CRLF1: variants seen among roughly 807,000 people sequenced by gnomAD.
CRLF1 encodes cytokine receptor like factor 1.
CRLF1 carries 36 observed loss-of-function variants against 48.9 expected under a neutral mutation model. The ratio of observed to expected loss-of-function variants is 0.74; its 90% confidence interval spans 0.56 to 0.97. The LOEUF (loss-of-function observed/expected upper bound fraction) is 0.97. CRLF1 is among the 50% of genes least tolerant of loss of function. The probability of loss-of-function intolerance (pLI) is 0.00; values close to 1 mark genes in which losing one functional copy is unlikely to be tolerated. For missense variants in CRLF1, 534 were observed against 575.1 expected, an observed-to-expected ratio of 0.93 and a Z score of 0.73; for synonymous variants, 256 against 253.4, an observed-to-expected ratio of 1.01 and a Z score of -0.10.
intron 1 of CRLF1, among the ~76,000 whole-genome samples, chr19:18,600,205 C>CT (rs895938894): frequency 1.6e-3 from 236 of 147,720 alleles, no homozygotes; most frequent in African/African-American, 4.9e-3. Flanking sequence ...CTATGCTTTG[C>CT]TTTTTTTTTT....
chr19:18,594,199 C>T, intron 7 of CRLF1, 48 bp downstream of exon 7: 1 of 1,610,054 alleles, frequency 6.2e-7, no homozygotes, highest in South Asian at 1.1e-5. Flanking sequence ...TCTGGGCCCC[C>T]CCAGCTCCCT....
rs1004785405 is a variant in CRLF1 at position 18,606,306 on chromosome 19, C to A, written c.115+236G>T. On this transcript the variant is annotated intron_variant, in intron 1 of 8. Coordinates refer to ENST00000392386, the MANE Select transcript of CRLF1 (RefSeq NM_004750.5). The surrounding 1 kb of genome is among the most constrained non-coding windows in gnomAD (Gnocchi z 4.8). ...GCCCCCGGGGGCCTGGCCTGGCGCC[C>A]TCGGCCCAGCTGCCCAGGTAACAGG... Among the ~76,000 whole-genome samples, 13 of 151,752 alleles carry A rather than the reference C, an allele frequency of 8.6e-5. No homozygotes were observed. The highest frequency in any genetic ancestry group is 8.5e-4 in the Admixed American group (13 of 15,256).
At chr19:18,600,292 G>T (rs572182563) in intron 1 of CRLF1, among the ~76,000 whole-genome samples, 2 of 151,818 alleles carry the variant, frequency 1.3e-5, no homozygotes, top group African/African-American at 4.8e-5. Flanking sequence ...TCCGCCTCCC[G>T]GGTCCAAGCA....
chr19:18,598,280 C>T (rs1355692700), intron 4 of CRLF1, 152 bp downstream of exon 4: 3 of 776,014 alleles, frequency 3.9e-6, no homozygotes, highest in Non-Finnish European at 6.1e-6. Flanking sequence ...ACCTACCTTC[C>T]CTCTGACCAG....
chr19:18,603,581 G>A (rs564328571), intron 1 of CRLF1, among the ~76,000 whole-genome samples: 1 of 152,332 alleles, frequency 6.6e-6, no homozygotes, highest in East Asian at 1.9e-4. Flanking sequence ...ACTGCAGGAG[G>A]CAGGGGCAGC....
At chr19:18,594,032 T>TTGCCCCC in intron 8 of CRLF1, 33 bp downstream of exon 8, 2 of 695,810 alleles carry the variant, frequency 2.9e-6, no homozygotes, top group Non-Finnish European at 4.4e-6. Context: ...CTCCCCTTGC[T>TTGCCCCC]CCCTCCCGCC....
rs901616957 is a variant in CRLF1 at position 18,606,308 on chromosome 19, C to G, written c.115+234G>C. Among the ~76,000 whole-genome samples the G allele has an allele frequency of 6.6e-6, 1 of 151,668 alleles. No homozygotes were observed. Among genetic ancestry groups the G allele is most frequent in the Non-Finnish European group, 1.5e-5 (1 of 67,788 alleles). On this transcript the variant is annotated intron_variant, in intron 1 of 8. Transcript: ENST00000392386. The surrounding 1 kb of genome is among the most constrained non-coding windows in gnomAD (Gnocchi z 4.8). Reference sequence around the variant, plus strand: ...CCCCGGGGGCCTGGCCTGGCGCCCTCGGCCCAGCTGCCCAGGTAACAGGGC... The same window carrying G: ...CCCCGGGGGCCTGGCCTGGCGCCCTGGGCCCAGCTGCCCAGGTAACAGGGC...
intron 4 of CRLF1, among the ~76,000 whole-genome samples, chr19:18,597,675 G>A (rs1175484331): frequency 3.3e-5 from 5 of 151,928 alleles, no homozygotes; most frequent in African/African-American, 4.8e-5. Flanking sequence ...CTCGTGATCC[G>A]CCCGCCTCGG....
At chr19:18,598,371 G>A (rs1976170899) in intron 4 of CRLF1, 61 bp downstream of exon 4, 1 of 1,556,006 alleles carries the variant, frequency 6.4e-7, no homozygotes, top group Non-Finnish European at 8.7e-7. Flanking sequence ...GGGACCCCTC[G>A]GGATGCTCGG....
At position 18,605,445 on chromosome 19, in the gene CRLF1, G is replaced by A. The variant is rs372672051; in HGVS notation, c.115+1097C>T. Among the ~76,000 whole-genome samples, 772 of 152,358 alleles carry A rather than the reference G, an allele frequency of 5.1e-3. 4 individuals are homozygous for A. The highest frequency in any genetic ancestry group is 0.017 in the African/African-American group (722 of 41,594). On this transcript the variant is annotated intron_variant, in intron 1 of 8. Transcript: ENST00000392386. ...CGGCGACCCCCGGGGTGGCCCGTGC[G>A]CCTGGATGGGGTGCGTGGAGTGACT...
At chr19:18,596,138 C>G (rs1250778952) in intron 6 of CRLF1, among the ~76,000 whole-genome samples, 2 of 152,094 alleles carry the variant, frequency 1.3e-5, no homozygotes, top group African/African-American at 4.8e-5. Flanking sequence ...ACTAGTTGGT[C>G]AAACTTTTTT....
chr19:18,593,981 C>T, intron 8 of CRLF1, 84 bp downstream of exon 8: 2 of 1,520,170 alleles, frequency 1.3e-6, no homozygotes, highest in Non-Finnish European at 8.9e-7. Flanking sequence ...GGTTGGGAGG[C>T]GTGGGGGTGT....
rs149440472 is a variant in CRLF1, at chr19:18,596,209, G to C, written c.1024+413C>G. On this transcript the variant is annotated intron_variant, in intron 6 of 8. Coordinates refer to ENST00000392386, the MANE Select transcript of CRLF1 (RefSeq NM_004750.5). Reference sequence around the variant, plus strand: ...CCAAGGGCCACATTCAGCTCTGGGGGGGCCACCAGTTTGAGACTTCTACTC... The same window carrying C: ...CCAAGGGCCACATTCAGCTCTGGGGCGGCCACCAGTTTGAGACTTCTACTC... Among the ~76,000 whole-genome samples, 127 of 152,192 alleles carry C rather than the reference G, an allele frequency of 8.3e-4. 1 individual carries two copies. Among genetic ancestry groups the C allele is most frequent in the African/African-American group, 3.0e-3 (123 of 41,518 alleles).
intron 1 of CRLF1, among the ~76,000 whole-genome samples, chr19:18,604,316 C>G (rs1025723102): frequency 6.6e-6 from 1 of 152,202 alleles, no homozygotes; most frequent in African/African-American, 2.4e-5. Flanking sequence ...CCAGGCGGGC[C>G]TGGACAGACC....
At chr19:18,600,258 G>A (rs1159169295) in intron 1 of CRLF1, among the ~76,000 whole-genome samples, 1 of 152,166 alleles carries the variant, frequency 6.6e-6, no homozygotes, top group Non-Finnish European at 1.5e-5. Context: ...GAGTGCAGTG[G>A]CACGATCTCG....
chr19:18,593,496 A>G lies in CRLF1; in HGVS notation c.*70T>C. 6.3e-7 allele frequency: 1 copy of G among 1,596,916 alleles called. No homozygotes were observed. The highest frequency in any genetic ancestry group is 8.5e-7 in the Non-Finnish European group (1 of 1,171,722). ...CAGGTGCCCTGAAGTGAGGGTACAG[A>G]GGTGGCCCCAGTTTGGGTTCGGCCT... On this transcript the variant is annotated 3_prime_UTR_variant, in exon 9 of 9. Transcript: ENST00000392386.
chr19:18,602,627 A>G (rs1976234590), intron 1 of CRLF1, among the ~76,000 whole-genome samples: 1 of 152,024 alleles, frequency 6.6e-6, no homozygotes, highest in South Asian at 2.1e-4. Context: ...AAAAAGAAAT[A>G]AAAAATTTAG....
At position 18,599,743 on chromosome 19, in the gene CRLF1, G is replaced by A. The variant is rs1289625354; in HGVS notation, c.219C>T (p.Gly73=). ...GGCGCCCGTTGAGGGTCCAGTAGAG[G>A]CCCTCGGCGGTGGCTCCTGGTGGGT... ...HGDPPGATAE[G]LYWTLNGRRL... Residue 73 remains glycine, a synonymous_variant, in exon 2 of 9, where the codon GGC becomes GGT. Coordinates refer to ENST00000392386, the MANE Select transcript of CRLF1 (RefSeq NM_004750.5). 1 of 1,602,284 alleles carries A rather than the reference G, an allele frequency of 6.2e-7. No homozygotes were observed. Among genetic ancestry groups the A allele is most frequent in the Admixed American group, 1.7e-5 (1 of 57,784 alleles).
chr19:18,603,667 C>T (rs1976248135), intron 1 of CRLF1, among the ~76,000 whole-genome samples: 1 of 152,222 alleles, frequency 6.6e-6, no homozygotes, highest in African/African-American at 2.4e-5. Context: ...CCAGCGCTGC[C>T]CTGCACTTGC....
Sources: allele counts gnomAD v4.1 joint callset (sites outside exome capture counted in the v4.1 genomes callset), GRCh38; gene constraint gnomAD v4.1.1; non-coding constraint Gnocchi (gnomAD v3.1); transcripts MANE v1.5; gene names NCBI Gene and HGNC (gene_info 2026-07-23, HGNC 2026-07-21).